The following RYR2 variants were observed in gnomAD, a reference collection of about 807,000 sequenced individuals.
RYR2 encodes ryanodine receptor 2, also known as cardiac muscle ryanodine receptor-calcium release channel.
RYR2 carries 227 observed loss-of-function variants against 601.1 expected under a neutral mutation model. That is an observed-to-expected ratio of 0.38 (90% CI 0.34 to 0.42). RYR2 has a LOEUF of 0.42. Ranked by LOEUF, RYR2 falls within the 10% of genes least tolerant of loss-of-function variation. The probability of loss-of-function intolerance (pLI) is 1.00; values close to 1 mark genes in which losing one functional copy is unlikely to be tolerated. For synonymous variants in RYR2, 2,223 were observed against 2,175.1 expected (o/e 1.02, Z -0.61); for missense variants, 4,646 against 6,156.5 (o/e 0.75, Z 8.21).
At chr1:237,409,994 A>G (rs1408401414) in intron 10 of RYR2, among the ~76,000 whole-genome samples, 1 of 152,150 alleles carries the variant, frequency 6.6e-6, no homozygotes, top group South Asian at 2.1e-4. Flanking sequence ...CAAAAAATGA[A>G]ACCAGAATGT....
intron 29 of RYR2, among the ~76,000 whole-genome samples, chr1:237,583,430 T>C (rs1240223447): frequency 2.0e-5 from 3 of 152,154 alleles, no homozygotes; most frequent in African/African-American, 7.2e-5. Context: ...TAACTACCTA[T>C]AGAAACTTAG....
At position 237,655,957 on chromosome 1, in the gene RYR2, T is replaced by G. The variant is rs1423360622; in HGVS notation, c.8102T>G (p.Phe2701Cys). The change falls in exon 53 of 105, where the codon TTT (phenylalanine) becomes TGT (cysteine). Residue 2701 changes from phenylalanine to cysteine, a missense_variant. This residue lies in a region of RYR2 where 1,497 missense variants were observed against 1,842.6 expected (regional missense o/e 0.81). Coordinates refer to ENST00000366574, the MANE Select transcript of RYR2 (RefSeq NM_001035.3). ...KQSSMDSEGN[F>C]NPQPVDTSNI... is the part of the protein sequence containing the mutation. ...TCATCAATGGATTCTGAAGGGAACT[T>G]TAACCCACAACCTGTTGATACCTCA... 1 of 1,613,542 alleles carries G rather than the reference T, an allele frequency of 6.2e-7. No homozygotes were observed. Among genetic ancestry groups the G allele is most frequent in the Non-Finnish European group, 8.5e-7 (1 of 1,179,678 alleles).
intron 26 of RYR2, among the ~76,000 whole-genome samples, chr1:237,549,484 G>A (rs1022990009): frequency 2.6e-5 from 4 of 152,056 alleles, no homozygotes; most frequent in Admixed American, 2.6e-4. Context: ...TGAGGTGGGA[G>A]GATCACTTGA....
At chr1:237,665,699 T>C (rs1684263905) in intron 56 of RYR2, among the ~76,000 whole-genome samples, 1 of 152,244 alleles carries the variant, frequency 6.6e-6, no homozygotes, top group Non-Finnish European at 1.5e-5. Context: ...GTAAGTTAAG[T>C]ATCGCTCATG....
intron 27 of RYR2, among the ~76,000 whole-genome samples, chr1:237,560,130 C>T (rs1475268251): frequency 6.6e-6 from 1 of 152,232 alleles, no homozygotes; most frequent in Non-Finnish European, 1.5e-5. Flanking sequence ...TCAGGTTTTT[C>T]CTGAATACAT....
chr1:237,515,820 CTT>C lies in RYR2; in HGVS notation c.2822+4030_2822+4031del, dbSNP rs1473983139. On this transcript the variant is annotated intron_variant, in intron 24 of 104. Transcript: ENST00000366574. Reference sequence around the variant, plus strand: ...TCTCCTCCTTCTCCTCCTCCTCCCTCTTCTCTTCCTCCCTCTTCTCCTCCTCC... The same window carrying C: ...TCTCCTCCTTCTCCTCCTCCTCCCTCCTCTTCCTCCCTCTTCTCCTCCTCC... Among the ~76,000 whole-genome samples the C allele has an allele frequency of 1.0e-3, 147 of 144,604 alleles. 1 individual carries two copies. The highest frequency in any genetic ancestry group is 9.3e-4 in the Non-Finnish European group (61 of 65,934). 94.9% of individuals were successfully genotyped at this position (144,604 alleles called of 152,430 possible).
At position 237,674,080 on chromosome 1, in the gene RYR2, C is replaced by A. The variant is rs576254712; in HGVS notation, c.8591-16C>A. ...TCAAATTACTATGCTGTGTTCTTGT[C>A]CTGACATACTCTTAGGAGGAGGAAA... On this transcript the variant is annotated splice_polypyrimidine_tract_variant and intron_variant, in intron 58 of 104. Coordinates refer to ENST00000366574, the MANE Select transcript of RYR2 (RefSeq NM_001035.3). 4 of 1,604,856 alleles carry A rather than the reference C, an allele frequency of 2.5e-6. No individual in the cohort carries two copies. The Admixed American group carries it at 5.0e-5, about 20-fold the overall frequency.
chr1:237,271,726 G>A (rs75088605), intron 2 of RYR2, among the ~76,000 whole-genome samples: 314 of 152,272 alleles, frequency 2.1e-3, no homozygotes, highest in African/African-American at 3.1e-3. Flanking sequence ...TTATTCCTAC[G>A]TATGGTGTCA....
At chr1:237,512,650 A>G (rs1666025906) in intron 24 of RYR2, among the ~76,000 whole-genome samples, 1 of 152,194 alleles carries the variant, frequency 6.6e-6, no homozygotes, top group South Asian at 2.1e-4. Context: ...AGGCCAGTAG[A>G]TGGCTTGAGC....
At position 237,216,379 on chromosome 1, in the gene RYR2, TA is replaced by T. The variant is rs528027553; in HGVS notation, c.49-54115del. Among the ~76,000 whole-genome samples the T allele has an allele frequency of 1.9e-3, 282 of 152,316 alleles. 1 individual carries two copies. The highest frequency in any genetic ancestry group is 6.4e-3 in the African/African-American group (266 of 41,566). On this transcript the variant is annotated intron_variant, in intron 1 of 104. Transcript: ENST00000366574. ...ATCACTAGGCTATCATGAATTTTAT[TA>T]AATCTTAGAAAAGTGAGGATTCCAA... is the stretch of plus-strand genomic sequence containing the variant.
intron 2 of RYR2, among the ~76,000 whole-genome samples, chr1:237,293,982 G>T (rs1692500355): frequency 6.6e-6 from 1 of 152,112 alleles, no homozygotes; most frequent in Non-Finnish European, 1.5e-5. Context: ...TTGCATTGTT[G>T]CTTCCCCTGG....
chr1:237,669,790 T>G lies in RYR2; in HGVS notation c.8590+1832T>G, dbSNP rs1490672616. On this transcript the variant is annotated intron_variant, in intron 58 of 104. Transcript: ENST00000366574. Reference sequence around the variant, plus strand: ...TGGGATGGCGGCCGGGCAGAGACGCTCCTCACTTTCCAGACTGGGCAGCCA... The same window carrying G: ...TGGGATGGCGGCCGGGCAGAGACGCGCCTCACTTTCCAGACTGGGCAGCCA... 2.2e-4 allele frequency among the ~76,000 whole-genome samples: 32 copies of G among 147,670 alleles called. 3 individuals carry two copies. The highest frequency in any genetic ancestry group is 1.8e-3 in the Admixed American group (27 of 14,858).
intron 24 of RYR2, among the ~76,000 whole-genome samples, chr1:237,529,202 G>A (rs914140457): frequency 6.6e-6 from 1 of 152,106 alleles, no homozygotes; most frequent in African/African-American, 2.4e-5. Flanking sequence ...GTTCCTGTGA[G>A]TTCGTTTTTT....
In RYR2 at chr1:237,267,560, C is replaced by T. The variant is rs112086010; in HGVS notation, c.49-2937C>T. The T allele has an allele frequency of 6.1e-3, 1,579 of 257,024 alleles. 26 individuals carry two copies. The highest frequency in any genetic ancestry group is 0.032 in the African/African-American group (1,384 of 42,860). 15.9% of individuals were successfully genotyped at this position (257,024 alleles called of 1,614,324 possible). On this transcript the variant is annotated intron_variant, in intron 1 of 104. Coordinates refer to ENST00000366574, the MANE Select transcript of RYR2 (RefSeq NM_001035.3). ...AGAAGAGAAGAGAAGAAAAGAAACT[C>T]GTATATTTCTTAGGATCCATATATT...
intron 12 of RYR2, among the ~76,000 whole-genome samples, chr1:237,436,059 A>C (rs546850710): frequency 3.1e-4 from 47 of 152,302 alleles, no homozygotes; most frequent in Non-Finnish European, 5.4e-4. Flanking sequence ...GCTGTAGTTT[A>C]TGTGCTCAGG....
At chr1:237,319,722 T>G (rs547375749) in intron 2 of RYR2, among the ~76,000 whole-genome samples, 5 of 152,224 alleles carry the variant, frequency 3.3e-5, no homozygotes, top group African/African-American at 1.2e-4. Flanking sequence ...GATAAGGAAA[T>G]GTATAAGAAG....
chr1:237,544,921 T>G (rs1669642495), intron 25 of RYR2, among the ~76,000 whole-genome samples: 1 of 152,194 alleles, frequency 6.6e-6, no homozygotes, highest in Non-Finnish European at 1.5e-5. Flanking sequence ...TTATTTTTAC[T>G]GTACAAATGA....
intron 1 of RYR2, among the ~76,000 whole-genome samples, chr1:237,191,563 C>G (rs909359710): frequency 2.0e-5 from 3 of 152,070 alleles, no homozygotes; most frequent in Admixed American, 6.5e-5. Context: ...GAAAACACTT[C>G]TTTTGCTGCG....
At chr1:237,071,979 A>G (rs1246802947) in intron 1 of RYR2, among the ~76,000 whole-genome samples, 2 of 152,212 alleles carry the variant, frequency 1.3e-5, no homozygotes, top group East Asian at 3.9e-4. Context: ...TTACTCTGAA[A>G]TTGGAGCAGG....
Sources: gnomAD v4.1 joint callset for allele counts (sites outside exome capture counted in the v4.1 genomes callset) on GRCh38, gnomAD v4.1.1 for gene constraint, gnomAD v4.1.1 regional missense constraint, MANE v1.5 for transcripts, NCBI Gene and HGNC (gene_info 2026-07-23, HGNC 2026-07-21) for gene names.